The following FOXO3 variants were observed in gnomAD, a reference collection of about 807,000 sequenced individuals.
The protein encoded by FOXO3 is forkhead box O3, also known as forkhead box protein O3.
A neutral mutation model predicts 41.9 loss-of-function variants in FOXO3; 4 were observed. That is an observed-to-expected ratio of 0.10 (90% confidence interval 0.05 to 0.22). FOXO3 has a LOEUF of 0.22. Ranked by LOEUF, FOXO3 falls within the 10% of genes least tolerant of loss-of-function variation. The pLI is 1.00. For missense variants in FOXO3, 534 were observed against 906.8 expected (o/e 0.59, Z 5.28); for synonymous variants, 318 against 389.3 (o/e 0.82, Z 2.16).
chr6:108,618,339 A>G (rs1777572130), intron 1 of FOXO3: 1 of 601,032 alleles, frequency 1.7e-6, no homozygotes, highest in Admixed American at 2.3e-5. Context: ...TATCAGGTCC[A>G]CACTGAACGA....
At chr6:108,675,943 T>C (rs528865855) in intron 2 of FOXO3, among the ~76,000 whole-genome samples, 5 of 152,240 alleles carry the variant, frequency 3.3e-5, no homozygotes, top group East Asian at 1.9e-4. Context: ...GGGGTTGTTA[T>C]GTTTTGTGTA....
rs114439670 is a variant in FOXO3, at chr6:108,596,176, C to A, written c.621+34347C>A. Among the ~76,000 whole-genome samples, 812 of 152,086 alleles carry A rather than the reference C, an allele frequency of 5.3e-3. 8 individuals are homozygous for A. The highest frequency in any genetic ancestry group is 0.018 in the African/African-American group (738 of 41,456). On this transcript the variant is annotated intron_variant, in intron 1 of 2. Coordinates refer to ENST00000406360, the MANE Select transcript of FOXO3 (RefSeq NM_001455.4). ...TCTTCCCCATCCTATTATCCCTTAG[C>A]ATTGAAAACATTTTTATAGTACTAT...
intron 1 of FOXO3, among the ~76,000 whole-genome samples, chr6:108,646,518 G>A (rs749522491): frequency 2.2e-4 from 33 of 152,136 alleles, no homozygotes; most frequent in Non-Finnish European, 3.8e-4. Context: ...CTCTACTGCT[G>A]TATTTGAATT....
At chr6:108,597,857 C>T (rs1166348593) in intron 1 of FOXO3, among the ~76,000 whole-genome samples, 1 of 152,158 alleles carries the variant, frequency 6.6e-6, no homozygotes, top group Non-Finnish European at 1.5e-5. Flanking sequence ...AGATGTATCA[C>T]AGAGTTCATC....
At chr6:108,674,961 A>G (rs1169560919) in intron 2 of FOXO3, among the ~76,000 whole-genome samples, 1 of 152,182 alleles carries the variant, frequency 6.6e-6, no homozygotes, top group African/African-American at 2.4e-5. Flanking sequence ...TTAAGAAAAT[A>G]CTAAATCTCT....
intron 2 of FOXO3, among the ~76,000 whole-genome samples, chr6:108,679,166 C>A (rs557052662): frequency 1.3e-5 from 2 of 152,246 alleles, no homozygotes; most frequent in South Asian, 4.1e-4. Context: ...CCACTGCGCC[C>A]GGCCCATTTC....
intron 1 of FOXO3, among the ~76,000 whole-genome samples, chr6:108,578,276 G>A (rs1199731436): frequency 6.6e-6 from 1 of 152,198 alleles, no homozygotes; most frequent in Non-Finnish European, 1.5e-5. Flanking sequence ...TCTACTGCAA[G>A]CTGAGGGTTC....
intron 1 of FOXO3, among the ~76,000 whole-genome samples, chr6:108,647,559 A>G (rs1217594241): frequency 6.6e-6 from 1 of 152,224 alleles, no homozygotes; most frequent in Non-Finnish European, 1.5e-5. Flanking sequence ...GAGTGGAACT[A>G]CTGGCCCATT....
chr6:108,631,586 G>GT (rs200804742), intron 1 of FOXO3, among the ~76,000 whole-genome samples: 138 of 151,128 alleles, frequency 9.1e-4, no homozygotes, highest in Non-Finnish European at 1.7e-3. Flanking sequence ...AAACACATTG[G>GT]TTTTTTTTTC....
chr6:108,568,967 T>C (rs1045752959), intron 1 of FOXO3, among the ~76,000 whole-genome samples: 2 of 152,248 alleles, frequency 1.3e-5, no homozygotes, highest in African/African-American at 4.8e-5. Flanking sequence ...GCCATCTGTA[T>C]GTAAACCCGC....
chr6:108,610,591 A>G (rs1296907389), intron 1 of FOXO3, among the ~76,000 whole-genome samples: 1 of 152,190 alleles, frequency 6.6e-6, no homozygotes, highest in East Asian at 1.9e-4. Context: ...GCAAGTAGAT[A>G]GAAGTGATAG....
intron 1 of FOXO3, among the ~76,000 whole-genome samples, chr6:108,660,545 G>C (rs575265883): frequency 2.1e-4 from 32 of 152,300 alleles, no homozygotes; most frequent in African/African-American, 7.7e-4. Context: ...TTTACTAATG[G>C]TAAAATCCTG....
chr6:108,613,663 C>G (rs1299521096), intron 1 of FOXO3, among the ~76,000 whole-genome samples: 2 of 152,024 alleles, frequency 1.3e-5, no homozygotes, highest in Non-Finnish European at 2.9e-5. Flanking sequence ...TTTCATTGAT[C>G]TTTTAAACGA....
intron 1 of FOXO3, among the ~76,000 whole-genome samples, chr6:108,599,739 C>A (rs1753888311): frequency 6.6e-6 from 1 of 152,190 alleles, no homozygotes; most frequent in African/African-American, 2.4e-5. Context: ...GAGAAGCAAG[C>A]CCACCCCACA....
At chr6:108,627,419 T>A (rs1350600393) in intron 1 of FOXO3, among the ~76,000 whole-genome samples, 1 of 151,990 alleles carries the variant, frequency 6.6e-6, no homozygotes, top group Non-Finnish European at 1.5e-5. Flanking sequence ...TATCCAGTCT[T>A]ATTGGAGGAA....
Position 108,624,922 on chromosome 6 carries a change from A to T in FOXO3, c.622-38533A>T, listed in dbSNP as rs550107872. Among the ~76,000 whole-genome samples, 13 of 152,228 alleles carry T rather than the reference A, an allele frequency of 8.5e-5. No individual in the cohort carries two copies. In the South Asian group the frequency reaches 2.5e-3, roughly 29 times the overall value. Reference sequence around the variant, plus strand: ...GTAGCTGGAATTGGAGATACAAGCCACCACGCTCAGTGTTTTTTGTTTTGT... The same window carrying T: ...GTAGCTGGAATTGGAGATACAAGCCTCCACGCTCAGTGTTTTTTGTTTTGT... On this transcript the variant is annotated intron_variant, in intron 1 of 2. Transcript: ENST00000406360.
chr6:108,674,061 G>A (rs1013601795), intron 2 of FOXO3, among the ~76,000 whole-genome samples: 3 of 152,146 alleles, frequency 2.0e-5, no homozygotes, highest in African/African-American at 4.8e-5. Flanking sequence ...TGTTAAAATC[G>A]TGCCTTGTAT....
chr6:108,561,268 G>A lies in FOXO3; in HGVS notation c.60G>A (p.Pro20=), dbSNP rs953297205. Residue 20 remains proline, a synonymous_variant, in exon 1 of 3, where the codon CCG becomes CCA. Coordinates refer to ENST00000406360, the MANE Select transcript of FOXO3 (RefSeq NM_001455.4). The part of the protein sequence containing the change: ...PLSPLEVELD[P]EFEPQSRPRS... ...CTCCGCTCGAAGTGGAGCTGGACCC[G>A]GAGTTCGAGCCCCAGAGCCGTCCGC... is the stretch of plus-strand genomic sequence containing the variant. 3.2e-6 allele frequency: 5 copies of A among 1,565,306 alleles called. No homozygotes were observed. The African/African-American group carries it at 4.1e-5, about 13-fold the overall frequency.
rs1172856132 is a variant in FOXO3 at position 108,682,319 on chromosome 6, G to GA, written c.*2529dup. ...CTGAAACAGCTGAGGAAGGGACAGA[G>GA]AAGGTACAAGGGCAAGGCAGCACAA... is the stretch of plus-strand genomic sequence containing the variant. On this transcript the variant is annotated 3_prime_UTR_variant, in exon 3 of 3. Transcript: ENST00000406360. 6.6e-6 allele frequency: 1 copy of GA among 152,668 alleles called. No individual in the cohort carries two copies. Among genetic ancestry groups the GA allele is most frequent in the African/African-American group, 2.4e-5 (1 of 41,450 alleles). The allele number at this position is 152,668 out of a possible 1,614,324, so 9.5% of individuals were successfully genotyped here. A position where few individuals can be genotyped will look rare whatever the true frequency, so the allele number is the denominator to read the frequency against.
Sources: gnomAD v4.1 joint callset for allele counts (sites outside exome capture counted in the v4.1 genomes callset) on GRCh38, gnomAD v4.1.1 for gene constraint, MANE v1.5 for transcripts, NCBI Gene and HGNC (gene_info 2026-07-23, HGNC 2026-07-21) for gene names.